The following PHACTR2 variants were observed in gnomAD, a reference collection of about 807,000 sequenced individuals.
PHACTR2 encodes the protein chromosome 6 open reading frame 56.
Under a neutral mutation model 76.0 loss-of-function variants are expected in PHACTR2, and 30 were observed. The ratio of observed to expected loss-of-function variants is 0.39; its 90% confidence interval spans 0.30 to 0.54. The LOEUF is 0.54. PHACTR2 is among the 20% of genes least tolerant of loss of function. The pLI is 0.61. For missense variants in PHACTR2, 696 were observed against 781.1 expected (o/e 0.89, Z 1.30); for synonymous variants, 292 against 292.5 (o/e 1.00, Z 0.02).
chr6:143,602,369 G>A lies in PHACTR2; in HGVS notation c.217+65162G>A, dbSNP rs1279256246. Among the ~76,000 whole-genome samples the A allele has an allele frequency of 6.6e-6, 1 of 152,192 alleles. No individual in the cohort carries two copies. Among genetic ancestry groups the A allele is most frequent in the Non-Finnish European group, 1.5e-5 (1 of 68,034 alleles). ...GCCCCTCAAGGCTTTATAAAGCCAT[G>A]GCTCCTGGAACTAAGGCATCAGCCA... On this transcript the variant is annotated intron_variant, in intron 1 of 11. Transcript: ENST00000367584. The surrounding 1 kb of genome is among the most constrained non-coding windows in gnomAD (Gnocchi z 6.1).
intron 2 of PHACTR2, among the ~76,000 whole-genome samples, chr6:143,718,273 C>G (rs1778346167): frequency 5.9e-5 from 9 of 152,288 alleles, no homozygotes; most frequent in Admixed American, 1.3e-4. Context: ...TTCATATTAA[C>G]TCACTAAATC....
In PHACTR2 at chr6:143,788,995, A is replaced by T; in HGVS notation, c.1845+85A>T. ...ACATCCCCCCTACTTAAGTCATCCC[A>T]GGGGACGAGATCTTACCAAATATTA... is the stretch of plus-strand genomic sequence containing the variant. On this transcript the variant is annotated intron_variant, in intron 11 of 12. Coordinates refer to ENST00000440869, the MANE Select transcript of PHACTR2 (RefSeq NM_001100164.2). 4 of 1,249,312 alleles carry T rather than the reference A, an allele frequency of 3.2e-6. No individual in the cohort carries two copies. In the East Asian group the frequency reaches 9.5e-5, roughly 30 times the overall value. The allele number at this position is 1,249,312 out of a possible 1,614,324, so 77.4% of individuals were successfully genotyped here. A position where few individuals can be genotyped will look rare whatever the true frequency, so the allele number is the denominator to read the frequency against.
chr6:143,775,066 G>A lies in PHACTR2; in HGVS notation c.1589+851G>A, dbSNP rs199508091. ...CCCAGAGCAGGATTTGGAGGTGGGG[G>A]GAAAATTGCTGTCCTTGCTTGGAAG... is the stretch of plus-strand genomic sequence containing the variant. On this transcript the variant is annotated intron_variant, in intron 8 of 12. Transcript: ENST00000440869. The surrounding 1 kb of genome is among the most constrained non-coding windows in gnomAD (Gnocchi z 4.4). Among the ~76,000 whole-genome samples the A allele has an allele frequency of 5.9e-5, 9 of 152,160 alleles. 1 individual carries two copies. In the East Asian group the frequency reaches 1.5e-3, roughly 26 times the overall value.
At position 143,625,513 on chromosome 6, in the gene PHACTR2, G is replaced by A. The variant is rs927405086; in HGVS notation, c.13+17191G>A. Among the ~76,000 whole-genome samples, 1 of 151,998 alleles carries A rather than the reference G, an allele frequency of 6.6e-6. No individual in the cohort carries two copies. The highest frequency in any genetic ancestry group is 6.6e-5 in the Admixed American group (1 of 15,266). ...TAATAAATATTATTGATAACTTATC[G>A]AATAGGTAATTGCTGCATATTGATT... is the stretch of plus-strand genomic sequence containing the variant. On this transcript the variant is annotated intron_variant, in intron 1 of 11. Coordinates refer to the PHACTR2 transcript ENST00000305766. The surrounding 1 kb of genome is among the most constrained non-coding windows in gnomAD (Gnocchi z 4.3).
At chr6:143,715,984 G>A (rs971632586) in intron 2 of PHACTR2, among the ~76,000 whole-genome samples, 4 of 152,150 alleles carry the variant, frequency 2.6e-5, no homozygotes, top group African/African-American at 7.2e-5. Context: ...CTTATTTGTA[G>A]CTAGCTATAG....
Position 143,738,694 on chromosome 6 carries a change from TGC to T in PHACTR2, c.215-10290_215-10289del, listed in dbSNP as rs1778872958. On this transcript the variant is annotated intron_variant, in intron 2 of 12. Transcript: ENST00000440869. The surrounding 1 kb of genome is among the most constrained non-coding windows in gnomAD (Gnocchi z 4.0). ...TGGCTTGAGCCCGGGAGGCGGAGGCTGCAGTGAGCCAAGATCGTGCAACTGTA... is the reference window on the plus strand; with the variant it reads ...TGGCTTGAGCCCGGGAGGCGGAGGCTAGTGAGCCAAGATCGTGCAACTGTA... Among the ~76,000 whole-genome samples the T allele has an allele frequency of 6.6e-6, 1 of 151,762 alleles. No individual in the cohort carries two copies. Among genetic ancestry groups the T allele is most frequent in the Non-Finnish European group, 1.5e-5 (1 of 67,978 alleles).
Position 143,823,333 on chromosome 6 carries a change from C to T in PHACTR2, c.1923-341C>T, listed in dbSNP as rs1256946452. Among the ~76,000 whole-genome samples, 2 of 152,174 alleles carry T rather than the reference C, an allele frequency of 1.3e-5. No individual in the cohort carries two copies. The highest frequency in any genetic ancestry group is 2.4e-5 in the African/African-American group (1 of 41,434). On this transcript the variant is annotated intron_variant, in intron 12 of 12. Coordinates refer to ENST00000440869, the MANE Select transcript of PHACTR2 (RefSeq NM_001100164.2). This position sits in a 1 kb window ranked among gnomAD's most constrained non-coding sequence, Gnocchi z 5.7. ...GGTGTACCAAAATCCCTTTGTGAAA[C>T]ATCTCCCTCTGCTTGATAAAGGTTA... is the stretch of plus-strand genomic sequence containing the variant.
intron 1 of PHACTR2, among the ~76,000 whole-genome samples, chr6:143,577,153 C>A (rs531065752): frequency 3.9e-5 from 6 of 152,140 alleles, no homozygotes; most frequent in Admixed American, 3.9e-4. Flanking sequence ...TTTAAGAACA[C>A]CAAGAATTTT....
At chr6:143,544,263 A>AGGCAGGGAGGGGAAAGAAGGAAGGG (rs1781200609) in intron 1 of PHACTR2, among the ~76,000 whole-genome samples, 13 of 115,204 alleles carry the variant, frequency 1.1e-4, no homozygotes, top group Middle Eastern at 4.2e-3. Flanking sequence ...GGAAGGAAGG[A>AGGCAGGGAGGGGAAAGAAGGAAGGG]AGGCGGGCAG....
rs1217549192 is a variant in PHACTR2, at chr6:143,801,244, C to T, written c.1846-5813C>T. On this transcript the variant is annotated intron_variant, in intron 11 of 12. Transcript: ENST00000440869. This position sits in a 1 kb window ranked among gnomAD's most constrained non-coding sequence, Gnocchi z 4.6. ...ATTTCCTGAATTTGAATGTTGGCCT[C>T]TCTTGCTAGGTTGGGGAAGTTCTCC... Among the ~76,000 whole-genome samples, 1 of 152,150 alleles carries T rather than the reference C, an allele frequency of 6.6e-6. No homozygotes were observed.
intron 1 of PHACTR2, among the ~76,000 whole-genome samples, chr6:143,640,486 C>A (rs1776545789): frequency 6.6e-6 from 1 of 152,074 alleles, no homozygotes; most frequent in South Asian, 2.1e-4. Flanking sequence ...TATGGAAGTG[C>A]AGAGATGGAG....
intron 1 of PHACTR2, among the ~76,000 whole-genome samples, chr6:143,649,599 G>A (rs113613730): frequency 0.011 from 1,740 of 152,256 alleles, 42 homozygotes; most frequent in African/African-American, 0.04. Flanking sequence ...AAAACCACAT[G>A]ATTATCTCAA....
intron 2 of PHACTR2, among the ~76,000 whole-genome samples, chr6:143,713,676 C>T (rs367617265): frequency 6.6e-6 from 1 of 152,134 alleles, no homozygotes; most frequent in Non-Finnish European, 1.5e-5. Context: ...GTGCTAAACT[C>T]GGAGGTGCTT....
At chr6:143,608,127 G>A, upstream of PHACTR2, 3 of 648,688 alleles carry the variant, frequency 4.6e-6, no homozygotes, top group South Asian at 5.3e-5. The surrounding 1 kb of genome is among the most constrained non-coding windows in gnomAD (Gnocchi z 4.6). Flanking sequence ...TGGAGCTAAT[G>A]GCTGTTTGTC....
intron 2 of PHACTR2, among the ~76,000 whole-genome samples, chr6:143,717,781 G>A (rs7775249): frequency 0.12 from 17,802 of 151,864 alleles, 1,073 homozygotes; most frequent in South Asian, 0.16. Flanking sequence ...CTGTGTTGCC[G>A]GGCTGTTCTC....
Position 143,595,917 on chromosome 6 carries a change from G to A in PHACTR2, c.217+58710G>A, listed in dbSNP as rs557851080. Among the ~76,000 whole-genome samples, 4 of 152,220 alleles carry A rather than the reference G, an allele frequency of 2.6e-5. No homozygotes were observed. Among genetic ancestry groups the A allele is most frequent in the East Asian group, 1.9e-4 (1 of 5,184 alleles). ...GTCTACTGAGTTGGGTGGGTTATAG[G>A]TAGCGTCACTTAGGGAAAAGTTTGT... On this transcript the variant is annotated intron_variant, in intron 1 of 11. Transcript: ENST00000367584. The surrounding 1 kb of genome is among the most constrained non-coding windows in gnomAD (Gnocchi z 4.2).
chr6:143,756,176 G>A (rs927515651), intron 4 of PHACTR2, among the ~76,000 whole-genome samples: 15 of 151,976 alleles, frequency 9.9e-5, no homozygotes, highest in Admixed American at 1.3e-4. Flanking sequence ...AAACATCACC[G>A]TCAAAGAAAG....
At chr6:143,773,526 G>T (rs1299127681) in intron 7 of PHACTR2, among the ~76,000 whole-genome samples, 1 of 138,806 alleles carries the variant, frequency 7.2e-6, no homozygotes, top group Non-Finnish European at 1.5e-5. Flanking sequence ...TAATTTGCAT[G>T]GAGCAAAAAA....
chr6:143,824,792 G>A lies in PHACTR2; in HGVS notation c.*1103G>A, dbSNP rs1582917860. 1 of 149,812 alleles carries A rather than the reference G, an allele frequency of 6.7e-6. No individual in the cohort carries two copies. The highest frequency in any genetic ancestry group is 2.5e-5 in the African/African-American group (1 of 40,786). The allele number at this position is 149,812 out of a possible 1,614,324, so 9.3% of individuals were successfully genotyped here. ...TTGCTGCTATTTAAAAAAAAAAAAA[G>A]GACACAGATCAAAAAAACACCCAAA... On this transcript the variant is annotated 3_prime_UTR_variant, in exon 13 of 13. Coordinates refer to ENST00000440869, the MANE Select transcript of PHACTR2 (RefSeq NM_001100164.2). The surrounding 1 kb of genome is among the most constrained non-coding windows in gnomAD (Gnocchi z 6.3).
Sources: gnomAD v4.1 joint callset for allele counts (sites outside exome capture counted in the v4.1 genomes callset) on GRCh38, gnomAD v4.1.1 for gene constraint, Gnocchi (gnomAD v3.1) non-coding constraint, MANE v1.5 for transcripts, NCBI Gene and HGNC (gene_info 2026-07-23, HGNC 2026-07-21) for gene names.